LGR5: variants seen among roughly 807,000 people sequenced by gnomAD.
LGR5 encodes the protein leucine-rich repeat-containing G protein-coupled receptor 5.
LGR5 carries 54 observed loss-of-function variants against 76.7 expected under a neutral mutation model. That is an observed-to-expected ratio of 0.70 (90% CI 0.57 to 0.88). The LOEUF is 0.88. Among genes scored for constraint, LGR5 ranks in the 40% least tolerant of loss-of-function variants. The pLI, the probability that LGR5 is intolerant of heterozygous loss-of-function variation, is 0.00. For missense variants in LGR5, 1,078 were observed against 1,073.3 expected (o/e 1.00, Z -0.06); for synonymous variants, 406 against 421.9 (o/e 0.96, Z 0.46).
intron 4 of LGR5, among the ~76,000 whole-genome samples, chr12:71,549,966 A>G (rs1877393883): frequency 1.3e-5 from 2 of 152,156 alleles, no homozygotes; most frequent in South Asian, 4.1e-4. Context: ...GTGATTCATA[A>G]AAGATATTTG....
chr12:71,467,744 A>G (rs943433361), intron 1 of LGR5, among the ~76,000 whole-genome samples: 16 of 152,200 alleles, frequency 1.1e-4, no homozygotes, highest in Admixed American at 7.2e-4. Flanking sequence ...ATAATTCTGA[A>G]TATTCTGCCT....
At chr12:71,501,839 G>C (rs1592494891) in intron 1 of LGR5, among the ~76,000 whole-genome samples, 1 of 152,292 alleles carries the variant, frequency 6.6e-6, no homozygotes, top group South Asian at 2.1e-4. Flanking sequence ...ACCGTGGATA[G>C]TTTGGAATAC....
chr12:71,463,389 A>C (rs1187462553), intron 1 of LGR5, among the ~76,000 whole-genome samples: 1 of 152,214 alleles, frequency 6.6e-6, no homozygotes, highest in African/African-American at 2.4e-5. Context: ...AGGCTTTAGC[A>C]TTAGAAACAT....
At chr12:71,580,462 G>C in intron 16 of LGR5, 39 bp downstream of exon 16, 1 of 1,587,904 alleles carries the variant, frequency 6.3e-7, no homozygotes, top group Non-Finnish European at 8.6e-7. Flanking sequence ...ATTGTGTTGT[G>C]TTCAGTGGAA....
chr12:71,500,873 A>C (rs1874568307), intron 1 of LGR5, among the ~76,000 whole-genome samples: 1 of 152,214 alleles, frequency 6.6e-6, no homozygotes, highest in African/African-American at 2.4e-5. Flanking sequence ...AATATAGCAT[A>C]GATAAGAGGT....
chr12:71,450,858 AC>A (rs1015945008), intron 1 of LGR5, among the ~76,000 whole-genome samples: 1 of 151,984 alleles, frequency 6.6e-6, no homozygotes, highest in African/African-American at 2.4e-5. Context: ...TTCAAGATGC[AC>A]CTCTGGTCAT....
chr12:71,457,584 G>A (rs1872536114), intron 1 of LGR5, among the ~76,000 whole-genome samples: 1 of 152,076 alleles, frequency 6.6e-6, no homozygotes, highest in Non-Finnish European at 1.5e-5. Flanking sequence ...TAGTTTCATG[G>A]GCTGCATAAC....
intron 8 of LGR5, among the ~76,000 whole-genome samples, chr12:71,563,429 T>A (rs1878160200): frequency 6.6e-6 from 1 of 152,206 alleles, no homozygotes; most frequent in South Asian, 2.1e-4. Context: ...CTCATCTTCC[T>A]TGAAGCACGG....
At position 71,583,651 on chromosome 12, in the gene LGR5, C is replaced by A; in HGVS notation, c.1641C>A (p.Pro547=). 6.2e-7 allele frequency: 1 copy of A among 1,611,080 alleles called. No individual in the cohort carries two copies. Residue 547 remains proline, a synonymous_variant, in exon 18 of 18, where the codon CCC becomes CCA. Coordinates refer to ENST00000266674, the MANE Select transcript of LGR5 (RefSeq NM_003667.4). ...HSVQCSPSPG[P]FKPCEHLLDG... ...TTGCCTTCCTTGGACTTCTAGGCCCCTTCAAACCCTGTGAACACCTGCTTG... is the reference window on the plus strand; with the variant it reads ...TTGCCTTCCTTGGACTTCTAGGCCCATTCAAACCCTGTGAACACCTGCTTG...
chr12:71,508,725 G>T (rs1432652383), intron 2 of LGR5, among the ~76,000 whole-genome samples: 4 of 128,370 alleles, frequency 3.1e-5, no homozygotes, highest in Middle Eastern at 5.0e-3. Flanking sequence ...CTGCAGTCCA[G>T]CCTGGTGATA....
chr12:71,525,288 A>T (rs1875935971), intron 3 of LGR5, among the ~76,000 whole-genome samples: 1 of 152,292 alleles, frequency 6.6e-6, no homozygotes, highest in African/African-American at 2.4e-5. Context: ...TTAAAAAAAC[A>T]GTTTATTCAA....
intron 1 of LGR5, among the ~76,000 whole-genome samples, chr12:71,470,224 G>C (rs1196890319): frequency 6.6e-6 from 1 of 152,168 alleles, no homozygotes; most frequent in African/African-American, 2.4e-5. Flanking sequence ...TCATCAATGA[G>C]AAAGTCTTAG....
At chr12:71,529,861 C>A (rs1399815416) in intron 3 of LGR5, among the ~76,000 whole-genome samples, 1 of 150,890 alleles carries the variant, frequency 6.6e-6, no homozygotes, top group African/African-American at 2.4e-5. Context: ...GAGGCTGAGG[C>A]ACAAGAATCT....
intron 1 of LGR5, among the ~76,000 whole-genome samples, chr12:71,472,333 TC>T (rs1452373133): frequency 6.6e-6 from 1 of 152,194 alleles, no homozygotes; most frequent in Non-Finnish European, 1.5e-5. Flanking sequence ...ACTATTATTA[TC>T]CCCATTTTAT....
intron 13 of LGR5, among the ~76,000 whole-genome samples, chr12:71,576,430 G>T (rs1161519970): frequency 6.6e-6 from 1 of 152,076 alleles, no homozygotes; most frequent in African/African-American, 2.4e-5. Flanking sequence ...CCCTTGAGAA[G>T]TCTGTAGCTG....
chr12:71,567,985 GA>G (rs1242260478), intron 11 of LGR5, among the ~76,000 whole-genome samples: 3 of 152,192 alleles, frequency 2.0e-5, no homozygotes, highest in Non-Finnish European at 4.4e-5. Flanking sequence ...ATAACTGGGA[GA>G]AAGTGTGTGT....
At chr12:71,550,045 T>C (rs1877397005) in intron 4 of LGR5, among the ~76,000 whole-genome samples, 1 of 152,220 alleles carries the variant, frequency 6.6e-6, no homozygotes, top group African/African-American at 2.4e-5. Flanking sequence ...GCAGAAACTT[T>C]GGTAGGAACA....
chr12:71,564,784 TAC>T (rs1335255691), intron 8 of LGR5, among the ~76,000 whole-genome samples: 38 of 149,156 alleles, frequency 2.5e-4, no homozygotes, highest in African/African-American at 8.1e-4. Context: ...ACTGCATATA[TAC>T]ATATATACAT....
rs776281947 is a variant in LGR5, at chr12:71,578,918, T to C, written c.1395T>C (p.Phe465=). The change falls in exon 15 of 18, where the codon TTT becomes TTC. Residue 465 remains phenylalanine, a synonymous_variant. Transcript: ENST00000266674. ...ALQSLISSEN[F]PELKVIEMPY... ...AGAGCTTGATATCATCTGAAAACTT[T>C]CCAGAACTCAAGTGAGTTTGTCATT... 4.4e-6 allele frequency: 7 copies of C among 1,601,294 alleles called. No homozygotes were observed. The highest frequency in any genetic ancestry group is 6.0e-6 in the Non-Finnish European group (7 of 1,174,964).
Sources: gnomAD v4.1 joint callset for allele counts (sites outside exome capture counted in the v4.1 genomes callset) on GRCh38, gnomAD v4.1.1 for gene constraint, MANE v1.5 for transcripts, NCBI Gene and HGNC (gene_info 2026-07-23, HGNC 2026-07-21) for gene names.